HMCN1: variants seen among roughly 807,000 people sequenced by gnomAD.
The protein encoded by HMCN1 is hemicentin-1.
In HMCN1, 321 loss-of-function variants were observed where a neutral mutation model predicts 625.9. The observed-to-expected ratio is 0.51, with a 90% confidence interval of 0.47 to 0.56. HMCN1 has a LOEUF of 0.56. Ranked by LOEUF, HMCN1 falls within the 20% of genes least tolerant of loss-of-function variation. HMCN1 has a pLI of 0.00. For synonymous variants in HMCN1, 2,425 were observed against 2,417.6 expected, an observed-to-expected ratio of 1.00 and a Z score of -0.09; for missense variants, 6,588 against 6,887.3, an observed-to-expected ratio of 0.96 and a Z score of 1.54.
chr1:186,088,539 T>A, intron 62 of HMCN1, 67 bp from the exon 63 acceptor site: 8 of 1,546,040 alleles, frequency 5.2e-6, no homozygotes, highest in Non-Finnish European at 7.1e-6. Flanking sequence ...CATTTTATCA[T>A]GAATTTTAGA....
chr1:185,864,449 A>G (rs763915883), intron 2 of HMCN1, 21 bp from the exon 3 acceptor site: 1 of 1,612,904 alleles, frequency 6.2e-7, no homozygotes, highest in South Asian at 1.1e-5. Flanking sequence ...ACGTAATTGA[A>G]TTTTTCTCTC....
intron 30 of HMCN1, among the ~76,000 whole-genome samples, chr1:186,012,916 A>T (rs1250181412): frequency 6.6e-6 from 1 of 152,170 alleles, no homozygotes; most frequent in African/African-American, 2.4e-5. Context: ...CTTTAATTTG[A>T]TAACTAAATA....
intron 15 of HMCN1, among the ~76,000 whole-genome samples, chr1:185,977,559 A>G (rs772244793): frequency 1.2e-4 from 18 of 152,162 alleles, no homozygotes; most frequent in Admixed American, 9.8e-4. Context: ...TTTATCATCT[A>G]TCACCTTAAG....
At chr1:185,789,651 CTTTCTCTACCACA>C (rs1657862055) in intron 1 of HMCN1, among the ~76,000 whole-genome samples, 3 of 152,110 alleles carry the variant, frequency 2.0e-5, no homozygotes, top group African/African-American at 7.2e-5. Context: ...AAGAATGATA[CTTTCTCTACCACA>C]TTTCTCAGTG....
intron 53 of HMCN1, 53 bp downstream of exon 53, chr1:186,074,944 A>T: frequency 2.1e-6 from 3 of 1,418,020 alleles, no homozygotes; most frequent in Non-Finnish European, 3.0e-6. Context: ...CTTTCAAAGT[A>T]AAAGAAAAGA....
intron 1 of HMCN1, among the ~76,000 whole-genome samples, chr1:185,775,815 C>T (rs1656562582): frequency 6.6e-6 from 1 of 152,094 alleles, no homozygotes; most frequent in African/African-American, 2.4e-5. Flanking sequence ...CTGAAAGGGG[C>T]TTATTCATTG....
Position 186,018,367 on chromosome 1 carries a change from G to A in HMCN1, c.5470+15G>A, listed in dbSNP as rs755309880. The A allele has an allele frequency of 1.9e-6, 3 of 1,609,162 alleles. No homozygotes were observed. Among genetic ancestry groups the A allele is most frequent in the Non-Finnish European group, 2.6e-6 (3 of 1,175,930 alleles). On this transcript the variant is annotated intron_variant, in intron 34 of 106. Coordinates refer to ENST00000271588, the MANE Select transcript of HMCN1 (RefSeq NM_031935.3). ...GACTGTTCATGGTATGCTGAAGAAG[G>A]GACAGGAACTTTGCATCTTAAATTA...
At chr1:186,151,515 T>C (rs1010858435) in intron 94 of HMCN1, 91 bp from the exon 95 acceptor site, 2 of 1,393,666 alleles carry the variant, frequency 1.4e-6, no homozygotes, top group African/African-American at 2.9e-5. Flanking sequence ...CAACATTATT[T>C]AGAATTCATC....
At chr1:185,936,267 C>G (rs1667811113) in intron 11 of HMCN1, among the ~76,000 whole-genome samples, 1 of 151,988 alleles carries the variant, frequency 6.6e-6, no homozygotes, top group South Asian at 2.1e-4. Flanking sequence ...TGCAGCCCTT[C>G]TTTACCTGAC....
At chr1:186,118,299 T>C (rs938650128) in intron 77 of HMCN1, among the ~76,000 whole-genome samples, 6 of 152,176 alleles carry the variant, frequency 3.9e-5, no homozygotes, top group African/African-American at 1.4e-4. Flanking sequence ...GTGCATATTA[T>C]TCTAAGAGAA....
chr1:185,784,378 A>C (rs1657402725), intron 1 of HMCN1, among the ~76,000 whole-genome samples: 1 of 152,178 alleles, frequency 6.6e-6, no homozygotes, highest in Admixed American at 6.5e-5. Flanking sequence ...CTGTCCGACA[A>C]GCCCCAGTGA....
intron 97 of HMCN1, among the ~76,000 whole-genome samples, chr1:186,160,207 T>C (rs1298958754): frequency 3.4e-5 from 5 of 148,876 alleles, no homozygotes; most frequent in African/African-American, 1.2e-4. Flanking sequence ...TTTATTTGCA[T>C]AGAGGTGTTT....
intron 19 of HMCN1, among the ~76,000 whole-genome samples, chr1:185,984,777 A>G (rs184376846): frequency 2.7e-4 from 41 of 152,342 alleles, no homozygotes; most frequent in Non-Finnish European, 5.1e-4. Context: ...TGCATGTTAA[A>G]TAACTTAAAG....
At chr1:186,174,719 T>C (rs1296304064) in intron 103 of HMCN1, 77 bp downstream of exon 103, 22 of 1,288,824 alleles carry the variant, frequency 1.7e-5, no homozygotes, top group Middle Eastern at 1.9e-4. Flanking sequence ...TTAGGGCCAC[T>C]TTCTCTATCC....
At chr1:186,053,215 T>G (rs1685456801) in intron 43 of HMCN1, 141 bp downstream of exon 43, 1 of 740,640 alleles carries the variant, frequency 1.4e-6, no homozygotes, top group African/African-American at 1.8e-5. Context: ...TGCTTTATAT[T>G]AAATGTGCAA....
chr1:185,901,631 CAAT>C (rs1363492449), intron 4 of HMCN1, among the ~76,000 whole-genome samples: 1 of 151,798 alleles, frequency 6.6e-6, no homozygotes, highest in Non-Finnish European at 1.5e-5. Context: ...GCCATCAAAA[CAAT>C]GATCCAGTTA....
intron 1 of HMCN1, among the ~76,000 whole-genome samples, chr1:185,795,159 G>A (rs1239654561): frequency 2.0e-5 from 3 of 152,178 alleles, no homozygotes; most frequent in Admixed American, 6.5e-5. Context: ...AGTTTTAAAG[G>A]TGGAGTGGTC....
chr1:185,881,636 C>A (rs538919311), intron 4 of HMCN1, among the ~76,000 whole-genome samples: 3 of 152,244 alleles, frequency 2.0e-5, no homozygotes, highest in African/African-American at 7.2e-5. Context: ...GGGGACCTAC[C>A]CTTTTCTGCC....
Position 186,151,187 on chromosome 1 carries a change from T to C in HMCN1, c.14609-13T>C, listed in dbSNP as rs1472056112. 5 of 1,613,614 alleles carry C rather than the reference T, an allele frequency of 3.1e-6. No homozygotes were observed. Among genetic ancestry groups the C allele is most frequent in the Non-Finnish European group, 4.2e-6 (5 of 1,179,636 alleles). On this transcript the variant is annotated splice_polypyrimidine_tract_variant and intron_variant, in intron 93 of 106. Coordinates refer to ENST00000271588, the MANE Select transcript of HMCN1 (RefSeq NM_031935.3). ...GCATCCTTATCCAGGAATGTTTTTT[T>C]TTCCCCCAATAGGTGGGCCCCAGCG...
Sources: allele counts gnomAD v4.1 joint callset (sites outside exome capture counted in the v4.1 genomes callset), GRCh38; gene constraint gnomAD v4.1.1; transcripts MANE v1.5; gene names NCBI Gene and HGNC (gene_info 2026-07-23, HGNC 2026-07-21).